Variants in GOLGA7 observed in about 807,000 individuals in gnomAD.
The protein encoded by GOLGA7 is golgin subfamily A member 7.
In GOLGA7, 10 loss-of-function variants were observed where a neutral mutation model predicts 21.1. That is an observed-to-expected ratio of 0.47 (90% CI 0.29 to 0.80). GOLGA7 has a LOEUF of 0.80. Ranked by LOEUF, GOLGA7 falls within the 30% of genes least tolerant of loss-of-function variation. The pLI, the probability that GOLGA7 is intolerant of heterozygous loss-of-function variation, is 0.08. For missense variants in GOLGA7, 114 were observed against 166.8 expected (o/e 0.68, Z 1.74); for synonymous variants, 64 against 62.6 (o/e 1.02, Z -0.10).
chr8:41,497,803 G>C, intron 2 of GOLGA7, 142 bp downstream of exon 2: 1 of 572,868 alleles, frequency 1.7e-6, no homozygotes, highest in South Asian at 2.2e-5. Context: ...CCTGTGTACA[G>C]AGGCACATAG....
At chr8:41,506,956 G>A (rs1232351650) in intron 3 of GOLGA7, 103 bp from the exon 4 acceptor site, 14 of 727,894 alleles carry the variant, frequency 1.9e-5, no homozygotes, top group Non-Finnish European at 3.2e-5. Flanking sequence ...GAAAAATAAA[G>A]CAAACTGAAA....
rs567023937 is a variant in GOLGA7 at position 41,510,814 on chromosome 8, T to A, written c.*1246T>A. Reference sequence around the variant, plus strand: ...GATTTCGTCTCAGATTTAATTTCTTTTATGGGTCTGTTAGTCATTCAACAA... The same window carrying A: ...GATTTCGTCTCAGATTTAATTTCTTATATGGGTCTGTTAGTCATTCAACAA... On this transcript the variant is annotated 3_prime_UTR_variant, in exon 5 of 5. Coordinates refer to ENST00000357743, the MANE Select transcript of GOLGA7 (RefSeq NM_001002296.2). 6.5e-6 allele frequency: 1 copy of A among 153,132 alleles called. No individual in the cohort carries two copies. Among genetic ancestry groups the A allele is most frequent in the African/African-American group, 2.4e-5 (1 of 41,568 alleles). The allele number at this position is 153,132 out of a possible 1,614,324, so 9.5% of individuals were successfully genotyped here.
chr8:41,492,638 G>T (rs1461726762), intron 1 of GOLGA7, among the ~76,000 whole-genome samples: 1 of 152,162 alleles, frequency 6.6e-6, no homozygotes, highest in African/African-American at 2.4e-5. Flanking sequence ...CTCCAGCCTG[G>T]GCGACAGAGC....
intron 2 of GOLGA7, among the ~76,000 whole-genome samples, chr8:41,500,029 T>TA (rs1403696342): frequency 6.6e-6 from 1 of 152,220 alleles, no homozygotes; most frequent in East Asian, 1.9e-4. Context: ...TCTCTAATAA[T>TA]ACGTTCAGTG....
chr8:41,505,477 T>C (rs1806261782), intron 2 of GOLGA7, among the ~76,000 whole-genome samples: 2 of 152,224 alleles, frequency 1.3e-5, no homozygotes, highest in Non-Finnish European at 2.9e-5. Flanking sequence ...GAAGCAGTCC[T>C]TTAAGTTTTG....
At position 41,497,433 on chromosome 8, in the gene GOLGA7, G is replaced by A. The variant is rs1806045883; in HGVS notation, c.112-76G>A. On this transcript the variant is annotated intron_variant, in intron 1 of 4. Transcript: ENST00000357743. ...TCAACTAAGAATGGTGAGAAAACAA[G>A]ATAAATTAATGATAGCATGCATTAG... The A allele has an allele frequency of 8.7e-6, 7 of 809,108 alleles. No homozygotes were observed. The Admixed American group carries it at 1.5e-4, about 17-fold the overall frequency. 50.1% of individuals were successfully genotyped at this position (809,108 alleles called of 1,614,324 possible).
chr8:41,501,838 A>G (rs754175305), intron 2 of GOLGA7, among the ~76,000 whole-genome samples: 3 of 152,244 alleles, frequency 2.0e-5, no homozygotes, highest in Non-Finnish European at 1.5e-5. Flanking sequence ...AGCAGCTCTC[A>G]ATTAAAAACC....
At chr8:41,496,006 GT>G (rs1563415575) in intron 1 of GOLGA7, among the ~76,000 whole-genome samples, 1 of 152,112 alleles carries the variant, frequency 6.6e-6, no homozygotes. Context: ...AGTTTTTGGG[GT>G]TTTTTTAGAT....
At chr8:41,500,757 G>C (rs1203210568) in intron 2 of GOLGA7, among the ~76,000 whole-genome samples, 1 of 152,164 alleles carries the variant, frequency 6.6e-6, no homozygotes, top group East Asian at 1.9e-4. Context: ...AGATCTCTTT[G>C]CTTTGTGGAA....
chr8:41,505,868 T>C, intron 2 of GOLGA7, 43 bp from the exon 3 acceptor site: 1 of 1,025,986 alleles, frequency 9.7e-7, no homozygotes, highest in Non-Finnish European at 1.5e-6. Flanking sequence ...TAAAGGGAAA[T>C]CTGATGAAGT....
intron 4 of GOLGA7, 73 bp downstream of exon 4, chr8:41,507,194 T>A: frequency 1.3e-6 from 1 of 753,092 alleles, no homozygotes. Flanking sequence ...CTTCCCCGCA[T>A]GGTAAATAAA....
intron 2 of GOLGA7, among the ~76,000 whole-genome samples, chr8:41,501,285 T>G (rs1007814482): frequency 6.6e-6 from 1 of 151,590 alleles, no homozygotes; most frequent in Non-Finnish European, 1.5e-5. Flanking sequence ...TAGTGCTTAA[T>G]AAACAGTGTT....
chr8:41,490,745 G>A lies in GOLGA7; in HGVS notation c.-110G>A, dbSNP rs1219948690. The A allele has an allele frequency of 1.1e-5, 7 of 653,118 alleles. No individual in the cohort carries two copies. In the Admixed American group the frequency reaches 1.8e-4, roughly 16 times the overall value. 40.5% of individuals were successfully genotyped at this position (653,118 alleles called of 1,614,324 possible). On this transcript the variant is annotated 5_prime_UTR_variant, in exon 1 of 5. Coordinates refer to ENST00000357743, the MANE Select transcript of GOLGA7 (RefSeq NM_001002296.2). Reference sequence around the variant, plus strand: ...GAGGAGGCCTTGGGCTGTTTTCGGCGGCGGGTGGGGGCGAGGGGCTGGCGG... The same window carrying A: ...GAGGAGGCCTTGGGCTGTTTTCGGCAGCGGGTGGGGGCGAGGGGCTGGCGG...
At chr8:41,501,126 T>C (rs555865404) in intron 2 of GOLGA7, among the ~76,000 whole-genome samples, 1 of 152,338 alleles carries the variant, frequency 6.6e-6, no homozygotes, top group South Asian at 2.1e-4. Context: ...TTTGCTGAAA[T>C]AGAAGTACTG....
At chr8:41,501,580 G>A (rs1039276834) in intron 2 of GOLGA7, among the ~76,000 whole-genome samples, 18 of 152,218 alleles carry the variant, frequency 1.2e-4, no homozygotes, top group African/African-American at 4.3e-4. Flanking sequence ...AAAAAAACTA[G>A]AGATGGGGTC....
intron 2 of GOLGA7, among the ~76,000 whole-genome samples, chr8:41,503,211 A>G: frequency 6.6e-6 from 1 of 151,968 alleles, no homozygotes; most frequent in Non-Finnish European, 1.5e-5. Flanking sequence ...GTTTATAAAA[A>G]AAAAAAAAGT....
intron 1 of GOLGA7, among the ~76,000 whole-genome samples, chr8:41,495,156 T>C (rs1425372614): frequency 7.4e-6 from 1 of 135,940 alleles, no homozygotes; most frequent in Non-Finnish European, 1.5e-5. Flanking sequence ...TGAGCCAAGA[T>C]TGCGCCACTG....
chr8:41,497,152 ATAAT>A (rs900459868), intron 1 of GOLGA7, among the ~76,000 whole-genome samples: 20 of 151,576 alleles, frequency 1.3e-4, no homozygotes, highest in African/African-American at 4.6e-4. Context: ...TTCTGCTTGC[ATAAT>A]TAAACTCTTA....
chr8:41,502,118 T>G (rs1806162680), intron 2 of GOLGA7, among the ~76,000 whole-genome samples: 1 of 152,264 alleles, frequency 6.6e-6, no homozygotes, highest in African/African-American at 2.4e-5. Flanking sequence ...AATTAGATTG[T>G]GCAGAATTAA....
Sources: allele counts gnomAD v4.1 joint callset (sites outside exome capture counted in the v4.1 genomes callset), GRCh38; gene constraint gnomAD v4.1.1; transcripts MANE v1.5; gene names NCBI Gene and HGNC (gene_info 2026-07-23, HGNC 2026-07-21).